CRTC1: variants seen among roughly 807,000 people sequenced by gnomAD.
CRTC1 encodes CREB-regulated transcription coactivator 1.
Under a neutral mutation model 66.1 loss-of-function variants are expected in CRTC1, and 18 were observed. The ratio of observed to expected loss-of-function variants is 0.27; its 90% CI spans 0.19 to 0.40. The LOEUF is 0.40. Among genes scored for constraint, CRTC1 ranks in the 10% least tolerant of loss-of-function variants. The probability of loss-of-function intolerance (pLI) is 1.00; values close to 1 mark genes in which losing one functional copy is unlikely to be tolerated. For synonymous variants in CRTC1, 416 were observed against 398.8 expected (o/e 1.04, Z -0.51); for missense variants, 669 against 887.9 (o/e 0.75, Z 3.13).
intron 1 of CRTC1, among the ~76,000 whole-genome samples, chr19:18,735,295 G>A (rs76728293): frequency 0.22 from 33,455 of 152,152 alleles, 3,872 homozygotes; most frequent in East Asian, 0.3. Flanking sequence ...ACTGGCATCA[G>A]CCCCTCCTGG....
At chr19:18,766,438 C>T (rs1338896650) in intron 9 of CRTC1, among the ~76,000 whole-genome samples, 2 of 150,918 alleles carry the variant, frequency 1.3e-5, no homozygotes, top group Non-Finnish European at 2.9e-5. Flanking sequence ...CGCGCCTGAC[C>T]GTAATCCCTT....
chr19:18,775,869 C>T, intron 13 of CRTC1, 48 bp downstream of exon 13: 2 of 1,509,270 alleles, frequency 1.3e-6, no homozygotes, highest in Non-Finnish European at 8.8e-7. Context: ...GGGGCCTCAG[C>T]CCGTGCGGAG....
chr19:18,739,105 A>C (rs2054059199), intron 1 of CRTC1, among the ~76,000 whole-genome samples: 1 of 152,244 alleles, frequency 6.6e-6, no homozygotes, highest in Admixed American at 6.5e-5. Context: ...CCCACAGGCC[A>C]TGAGTGAGGG....
At chr19:18,687,174 C>T (rs1244397575) in intron 1 of CRTC1, among the ~76,000 whole-genome samples, 1 of 151,972 alleles carries the variant, frequency 6.6e-6, no homozygotes, top group African/African-American at 2.4e-5. Context: ...TGCTACCATG[C>T]CTGGCTAATT....
chr19:18,766,124 CT>C (rs869180739), intron 9 of CRTC1, among the ~76,000 whole-genome samples: 570 of 138,944 alleles, frequency 4.1e-3, no homozygotes, highest in Non-Finnish European at 4.8e-3. Flanking sequence ...TTTTGTAATC[CT>C]TTTTTTTTTT....
intron 1 of CRTC1, among the ~76,000 whole-genome samples, chr19:18,712,410 A>G (rs1481789998): frequency 6.6e-6 from 1 of 151,358 alleles, no homozygotes; most frequent in Non-Finnish European, 1.5e-5. Flanking sequence ...GGCGCCCACC[A>G]CCACACCCAG....
intron 1 of CRTC1, among the ~76,000 whole-genome samples, chr19:18,702,440 G>A (rs888380853): frequency 6.6e-6 from 1 of 151,852 alleles, no homozygotes; most frequent in African/African-American, 2.4e-5. Context: ...TGCCTACGCT[G>A]GTCTCAAACT....
chr19:18,742,962 A>G lies in CRTC1; in HGVS notation c.179A>G (p.Tyr60Cys). ...CAACTGGGCCCCAGCCGAGGCCAGTACTATGGCGGGTCCCTGCCCAACGTG... is the reference window on the plus strand; with the variant it reads ...CAACTGGGCCCCAGCCGAGGCCAGTGCTATGGCGGGTCCCTGCCCAACGTG... ...YLQLGPSRGQ[Y>C]YGGSLPNVNQ... The change falls in exon 2 of 14, where the codon TAC becomes TGC. Residue 60 changes from tyrosine (Y) to cysteine (C), a missense_variant. Around this residue, in one of 8 missense-constraint regions of CRTC1, gnomAD observed 214 missense variants for 323.4 expected, o/e 0.66. Transcript: ENST00000321949. The G allele has an allele frequency of 6.2e-7, 1 of 1,613,998 alleles. No individual in the cohort carries two copies. The highest frequency in any genetic ancestry group is 8.5e-7 in the Non-Finnish European group (1 of 1,179,996).
chr19:18,747,139 C>CT (rs397767780), intron 4 of CRTC1, 25 bp downstream of exon 4: 39 of 882,586 alleles, frequency 4.4e-5, no homozygotes, highest in South Asian at 2.9e-4. Context: ...ACCCCCCCCC[C>CT]GCCCCCTTCT....
chr19:18,740,391 C>T (rs2054086145), intron 1 of CRTC1, among the ~76,000 whole-genome samples: 1 of 152,184 alleles, frequency 6.6e-6, no homozygotes, highest in African/African-American at 2.4e-5. Context: ...CAGAAGCTCC[C>T]CTGGCCTGCA....
intron 1 of CRTC1, among the ~76,000 whole-genome samples, chr19:18,723,610 G>A (rs1427344795): frequency 2.6e-5 from 4 of 152,236 alleles, no homozygotes; most frequent in African/African-American, 4.8e-5. Flanking sequence ...GTTTCCTAAC[G>A]GTGGGCTTGC....
intron 1 of CRTC1, among the ~76,000 whole-genome samples, chr19:18,735,346 C>T (rs1478132481): frequency 1.3e-5 from 2 of 152,184 alleles, no homozygotes; most frequent in East Asian, 3.9e-4. Flanking sequence ...TGGTTAAAAG[C>T]TGGCCTGGAG....
At position 18,760,768 on chromosome 19, in the gene CRTC1, C is replaced by T. The variant is rs1487911772; in HGVS notation, c.886+540C>T. On this transcript the variant is annotated intron_variant, in intron 8 of 13. Transcript: ENST00000321949. This position sits in a 1 kb window ranked among gnomAD's most constrained non-coding sequence, Gnocchi z 6.2. Reference sequence around the variant, plus strand: ...CTCCTGGCGCTGCTGCCGCCCTGCTCCCCCGGGACCCCCCTCCTGTGGCTG... The same window carrying T: ...CTCCTGGCGCTGCTGCCGCCCTGCTTCCCCGGGACCCCCCTCCTGTGGCTG... 1.3e-5 allele frequency among the ~76,000 whole-genome samples: 2 copies of T among 151,994 alleles called. No individual in the cohort carries two copies. The highest frequency in any genetic ancestry group is 2.9e-5 in the Non-Finnish European group (2 of 67,962).
At position 18,768,471 on chromosome 19, in the gene CRTC1, C is replaced by G. The variant is rs761522783; in HGVS notation, c.1012-14C>G. Reference sequence around the variant, plus strand: ...ACCAGGGCCCGCCCTGCCTGACGCTCTCCTCTCCTGCAGGCTGTAGCCATG... The same window carrying G: ...ACCAGGGCCCGCCCTGCCTGACGCTGTCCTCTCCTGCAGGCTGTAGCCATG... On this transcript the variant is annotated splice_polypyrimidine_tract_variant and intron_variant, in intron 9 of 13. Coordinates refer to ENST00000321949, the MANE Select transcript of CRTC1 (RefSeq NM_015321.3). This position sits in a 1 kb window ranked among gnomAD's most constrained non-coding sequence, Gnocchi z 5.6. 1.9e-6 allele frequency: 3 copies of G among 1,606,450 alleles called. No individual in the cohort carries two copies. The highest frequency in any genetic ancestry group is 2.2e-5 in the East Asian group (1 of 44,684).
In CRTC1 at chr19:18,758,178, G is replaced by A. The variant is rs544929140; in HGVS notation, c.625-1373G>A. Among the ~76,000 whole-genome samples, 45 of 151,010 alleles carry A rather than the reference G, an allele frequency of 3.0e-4. 1 individual carries two copies. The highest frequency in any genetic ancestry group is 1.0e-3 in the South Asian group (5 of 4,776). On this transcript the variant is annotated intron_variant, in intron 6 of 13. Coordinates refer to ENST00000321949, the MANE Select transcript of CRTC1 (RefSeq NM_015321.3). ...AGATGGAGACCCTCCTGGCTAACAC[G>A]GTGAAACCCCGTCTCTACTAAAAAT...
chr19:18,717,237 G>T (rs1345457336), intron 1 of CRTC1, among the ~76,000 whole-genome samples: 1 of 152,038 alleles, frequency 6.6e-6, no homozygotes, highest in Non-Finnish European at 1.5e-5. Flanking sequence ...AGAGGGGGCT[G>T]CTGGGCTTGG....
intron 1 of CRTC1, among the ~76,000 whole-genome samples, chr19:18,713,337 A>G (rs1410884054): frequency 6.6e-6 from 1 of 152,200 alleles, no homozygotes; most frequent in African/African-American, 2.4e-5. Context: ...TTATGAACAG[A>G]GCTGCATGGA....
intron 1 of CRTC1, among the ~76,000 whole-genome samples, chr19:18,693,096 A>G (rs2052888599): frequency 1.6e-5 from 2 of 125,740 alleles, no homozygotes; most frequent in Non-Finnish European, 3.3e-5. Context: ...AAAAAAAAAG[A>G]AATTCATTTT....
rs1328962209 is a variant in CRTC1 at position 18,742,970 on chromosome 19, G to A, written c.187G>A (p.Gly63Arg). ...LGPSRGQYYG[G>R]SLPNVNQIGS... is the part of the protein sequence containing the mutation. ...CCCCAGCCGAGGCCAGTACTATGGC[G>A]GGTCCCTGCCCAACGTGAACCAGAT... Residue 63 changes from glycine (G) to arginine (R), a missense_variant, in exon 2 of 14, where the codon GGG (glycine) becomes AGG (arginine). By Grantham distance (125) the Gly-to-Arg change is moderately radical (BLOSUM62 -2). Transcript: ENST00000321949. 3 of 1,613,736 alleles carry A rather than the reference G, an allele frequency of 1.9e-6. No homozygotes were observed. Among genetic ancestry groups the A allele is most frequent in the Non-Finnish European group, 2.5e-6 (3 of 1,179,970 alleles).
Sources: allele counts gnomAD v4.1 joint callset (sites outside exome capture counted in the v4.1 genomes callset), GRCh38; gene constraint gnomAD v4.1.1; regional missense constraint gnomAD v4.1.1; non-coding constraint Gnocchi (gnomAD v3.1); transcripts MANE v1.5; gene names NCBI Gene and HGNC (gene_info 2026-07-23, HGNC 2026-07-21).